PCDHGA7: variants seen among roughly 807,000 people sequenced by gnomAD.
PCDHGA7 encodes the protein protocadherin gamma subfamily A, 7.
Under a neutral mutation model 58.3 loss-of-function variants are expected in PCDHGA7, and 44 were observed. The ratio of observed to expected loss-of-function variants is 0.75; its 90% CI spans 0.59 to 0.97. The LOEUF is 0.97. Ranked by LOEUF, PCDHGA7 falls within the 50% of genes least tolerant of loss-of-function variation. The pLI is 0.00. For synonymous variants in PCDHGA7, 516 were observed against 504.2 expected (o/e 1.02, Z -0.31); for missense variants, 1,266 against 1,188.7 (o/e 1.06, Z -0.96).
chr5:141,410,843 C>CTTTTTAT, intron 1 of PCDHGA7: 1 of 216,280 alleles, frequency 4.6e-6, no homozygotes. Context: ...GATATTTTGT[C>CTTTTTAT]TTTGTCTTTT....
At chr5:141,421,320 G>C (rs1561793188) in intron 1 of PCDHGA7, 1 of 1,613,904 alleles carries the variant, frequency 6.2e-7, no homozygotes, top group East Asian at 2.2e-5. Flanking sequence ...GGGCCAGGCA[G>C]ATCCGATATT....
chr5:141,450,071 A>G (rs1039802551), intron 1 of PCDHGA7, among the ~76,000 whole-genome samples: 3 of 139,286 alleles, frequency 2.2e-5, no homozygotes, highest in Non-Finnish European at 3.0e-5. Flanking sequence ...CAGTGGTATG[A>G]TCTTGGCTCA....
intron 2 of PCDHGA7, among the ~76,000 whole-genome samples, chr5:141,500,310 G>A (rs1327269551): frequency 6.6e-6 from 1 of 151,740 alleles, no homozygotes; most frequent in Non-Finnish European, 1.5e-5. Flanking sequence ...CCAGGTTCAC[G>A]CCATGCTCCT....
intron 1 of PCDHGA7, chr5:141,422,401 C>G: frequency 6.3e-7 from 1 of 1,598,896 alleles, no homozygotes; most frequent in Non-Finnish European, 8.5e-7. Context: ...TAACCACCTG[C>G]CTTTTAAATT....
intron 1 of PCDHGA7, chr5:141,408,616 A>C (rs1242634693): frequency 6.2e-7 from 1 of 1,614,052 alleles, no homozygotes. Flanking sequence ...AAAAGGAAAT[A>C]CATTTAGAAA....
chr5:141,383,961 C>CT lies in PCDHGA7; in HGVS notation c.1063dup (p.Ser355PhefsTer4). ...AAGTGACTATGACGTCTTTAAGTAGCTCAATCCCTGAAGACACACCTCTTG... is the reference window on the plus strand; with the variant it reads ...AAGTGACTATGACGTCTTTAAGTAGCTTCAATCCCTGAAGACACACCTCTTG... On this transcript the variant is annotated frameshift_variant, in exon 1 of 4. Coordinates refer to ENST00000518325, the MANE Select transcript of PCDHGA7 (RefSeq NM_018920.4). LOFTEE classifies it high-confidence loss of function. 1 of 1,613,356 alleles carries CT rather than the reference C, an allele frequency of 6.2e-7. No individual in the cohort carries two copies. The highest frequency in any genetic ancestry group is 8.5e-7 in the Non-Finnish European group (1 of 1,179,354).
chr5:141,483,661 T>TGTGTGA (rs1357903548), intron 1 of PCDHGA7, among the ~76,000 whole-genome samples: 7 of 152,042 alleles, frequency 4.6e-5, no homozygotes, highest in African/African-American at 1.7e-4. Context: ...TGTGTGTGTG[T>TGTGTGA]GTGTGTGTAA....
intron 2 of PCDHGA7, among the ~76,000 whole-genome samples, chr5:141,497,602 C>T (rs948023459): frequency 2.0e-5 from 3 of 148,260 alleles, no homozygotes; most frequent in East Asian, 2.0e-4. Flanking sequence ...TGCAGTGGTG[C>T]GATCTTGGCT....
chr5:141,422,959 C>T, intron 1 of PCDHGA7: 5 of 1,614,234 alleles, frequency 3.1e-6, no homozygotes, highest in African/African-American at 1.3e-5. Flanking sequence ...TGGCGTGGAG[C>T]TGGCGCCCCG....
Position 141,490,970 on chromosome 5 carries a change from A to G in PCDHGA7, c.2425-3837A>G. ...CCAGACTGGGAACACTCAGCCCCCC[A>G]GCGTCTCCCTCGCTCTGCTCCTCCT... On this transcript the variant is annotated intron_variant, in intron 1 of 3. Coordinates refer to ENST00000518325, the MANE Select transcript of PCDHGA7 (RefSeq NM_018920.4). This position sits in a 1 kb window ranked among gnomAD's most constrained non-coding sequence, Gnocchi z 5.4. 1 of 1,613,858 alleles carries G rather than the reference A, an allele frequency of 6.2e-7. No individual in the cohort carries two copies. Among genetic ancestry groups the G allele is most frequent in the South Asian group, 1.1e-5 (1 of 91,062 alleles).
chr5:141,404,411 G>A, intron 1 of PCDHGA7: 1 of 1,613,854 alleles, frequency 6.2e-7, no homozygotes, highest in Non-Finnish European at 8.5e-7. Flanking sequence ...GAATTCTAGA[G>A]TTATTTACTC....
intron 1 of PCDHGA7, chr5:141,411,714 G>C (rs889829564): frequency 6.6e-6 from 1 of 152,420 alleles, no homozygotes; most frequent in Middle Eastern, 3.1e-3. Context: ...AGACTCCATC[G>C]CTACAGAACA....
chr5:141,398,266 G>C, intron 1 of PCDHGA7: 1 of 1,439,368 alleles, frequency 6.9e-7, no homozygotes, highest in Non-Finnish European at 9.5e-7. Flanking sequence ...GGGCTCCGTA[G>C]TGGGGAACCT....
chr5:141,426,276 C>A, intron 1 of PCDHGA7: 1 of 164,340 alleles, frequency 6.1e-6, no homozygotes, highest in South Asian at 1.6e-4. Context: ...TGCAGCAACG[C>A]ATGGGAAGGA....
chr5:141,455,159 G>GTT (rs1390145608), intron 1 of PCDHGA7, among the ~76,000 whole-genome samples: 4 of 144,860 alleles, frequency 2.8e-5, no homozygotes, highest in African/African-American at 7.8e-5. Context: ...TTAGTTTGTT[G>GTT]GTTTTTTTTT....
At chr5:141,501,290 TACAC>T (rs55762287) in intron 2 of PCDHGA7, among the ~76,000 whole-genome samples, 45,565 of 135,778 alleles carry the variant, frequency 0.34, 7,845 homozygotes, top group Non-Finnish European at 0.42. Flanking sequence ...TATTCCCTTA[TACAC>T]ACACACACAC....
chr5:141,405,242 A>G, intron 1 of PCDHGA7: 1 of 1,614,156 alleles, frequency 6.2e-7, no homozygotes, highest in Non-Finnish European at 8.5e-7. Flanking sequence ...CGCTGACTCA[A>G]GGAAGAGTCA....
chr5:141,430,766 C>T, intron 1 of PCDHGA7: 1 of 1,504,534 alleles, frequency 6.6e-7, no homozygotes, highest in Non-Finnish European at 8.9e-7. Context: ...AAGAATGATT[C>T]CTGCGCGACT....
chr5:141,462,253 A>C (rs7717600), intron 1 of PCDHGA7, among the ~76,000 whole-genome samples: 42,489 of 152,124 alleles, frequency 0.28, 6,669 homozygotes, highest in African/African-American at 0.43. Context: ...AGCCACCATG[A>C]CCAGCCTAAA....
Sources: gnomAD v4.1 joint callset for allele counts (sites outside exome capture counted in the v4.1 genomes callset) on GRCh38, gnomAD v4.1.1 for gene constraint, Gnocchi (gnomAD v3.1) non-coding constraint, MANE v1.5 for transcripts, NCBI Gene and HGNC (gene_info 2026-07-23, HGNC 2026-07-21) for gene names.